Variants in RABGAP1L observed in about 807,000 individuals in gnomAD.
RABGAP1L encodes rab GTPase-activating protein 1-like.
In RABGAP1L, 63 loss-of-function variants were observed where a neutral mutation model predicts 137.7. That is an observed-to-expected ratio of 0.46 (90% CI 0.37 to 0.56). The LOEUF is 0.56. Ranked by LOEUF, RABGAP1L falls within the 20% of genes least tolerant of loss-of-function variation. RABGAP1L has a pLI of 0.00. For missense variants in RABGAP1L, 1,095 were observed against 1,244.0 expected (o/e 0.88, Z 1.80); for synonymous variants, 431 against 433.7 (o/e 0.99, Z 0.08).
intron 1 of RABGAP1L, among the ~76,000 whole-genome samples, chr1:174,217,545 T>G (rs1280056948): frequency 6.6e-6 from 1 of 152,134 alleles, no homozygotes; most frequent in Non-Finnish European, 1.5e-5. Flanking sequence ...ACATCTGGAA[T>G]ATGTGGTGTG....
At chr1:174,432,109 C>A (rs891703354) in intron 13 of RABGAP1L, among the ~76,000 whole-genome samples, 1 of 152,122 alleles carries the variant, frequency 6.6e-6, no homozygotes, top group Admixed American at 6.5e-5. Context: ...TTACTTTCCT[C>A]TCTCCTTCCT....
intron 13 of RABGAP1L, among the ~76,000 whole-genome samples, chr1:174,629,350 T>C (rs1286327879): frequency 6.6e-6 from 1 of 152,220 alleles, no homozygotes; most frequent in Admixed American, 6.5e-5. Context: ...ATCTGTTCTA[T>C]CTGTTGACCT....
intron 7 of RABGAP1L, among the ~76,000 whole-genome samples, chr1:174,259,928 G>A (rs942817779): frequency 1.3e-5 from 2 of 151,214 alleles, no homozygotes; most frequent in Admixed American, 1.3e-4. Flanking sequence ...TCTGCCTCCC[G>A]GGTTCAAGCA....
Position 174,988,572 on chromosome 1 carries a change from A to C in RABGAP1L, c.2806-69A>C, listed in dbSNP as rs896713483. 5.4e-6 allele frequency: 7 copies of C among 1,307,016 alleles called. No individual in the cohort carries two copies. In the African/African-American group the frequency reaches 7.6e-5, roughly 14 times the overall value. 81.0% of individuals were successfully genotyped at this position (1,307,016 alleles called of 1,614,324 possible). Reference sequence around the variant, plus strand: ...AATAAGCAGCATCTAAAAAAGTCATAAATTGTTTCAGAAGGTGATTTAGCC... The same window carrying C: ...AATAAGCAGCATCTAAAAAAGTCATCAATTGTTTCAGAAGGTGATTTAGCC... On this transcript the variant is annotated intron_variant, in intron 24 of 25. Transcript: ENST00000681986.
At chr1:174,560,029 G>C (rs527968757) in intron 13 of RABGAP1L, among the ~76,000 whole-genome samples, 37 of 152,072 alleles carry the variant, frequency 2.4e-4, no homozygotes, top group African/African-American at 8.7e-4. Flanking sequence ...CAGCTACTTG[G>C]GGGGCTGAGG....
chr1:174,576,257 A>G (rs1668365606), intron 13 of RABGAP1L, among the ~76,000 whole-genome samples: 1 of 152,182 alleles, frequency 6.6e-6, no homozygotes, highest in African/African-American at 2.4e-5. Context: ...CCATGGCAAG[A>G]TGAGGGCATT....
At chr1:174,714,464 A>G (rs1243023305) in intron 17 of RABGAP1L, among the ~76,000 whole-genome samples, 1 of 152,244 alleles carries the variant, frequency 6.6e-6, no homozygotes, top group African/African-American at 2.4e-5. Flanking sequence ...TGGTAGACAT[A>G]CTCAAAGTAT....
intron 13 of RABGAP1L, among the ~76,000 whole-genome samples, chr1:174,492,152 T>A (rs2149355428): frequency 6.6e-6 from 1 of 151,862 alleles, no homozygotes; most frequent in South Asian, 2.1e-4. Context: ...TCCGCCATCT[T>A]GCTCCACCCT....
At chr1:174,239,192 G>A (rs972982590) in intron 4 of RABGAP1L, among the ~76,000 whole-genome samples, 1 of 152,144 alleles carries the variant, frequency 6.6e-6, no homozygotes, top group Non-Finnish European at 1.5e-5. Context: ...AGATGAACCC[G>A]GTACCTCAGA....
At chr1:174,945,283 C>T (rs1366075687) in intron 19 of RABGAP1L, among the ~76,000 whole-genome samples, 1 of 152,170 alleles carries the variant, frequency 6.6e-6, no homozygotes, top group African/African-American at 2.4e-5. Context: ...GCTTGGTAGT[C>T]ATTCCATTAC....
chr1:174,697,821 T>C (rs1679377527), intron 15 of RABGAP1L, among the ~76,000 whole-genome samples: 1 of 152,118 alleles, frequency 6.6e-6, no homozygotes, highest in African/African-American at 2.4e-5. Flanking sequence ...AGCTGAAAAA[T>C]AGTTGCTAAC....
rs61518356 is a variant in RABGAP1L at position 174,800,669 on chromosome 1, G to A, written c.2212-11163G>A. On this transcript the variant is annotated intron_variant, in intron 18 of 25. Coordinates refer to ENST00000681986, the MANE Select transcript of RABGAP1L (RefSeq NM_001366446.1). ...CTGTTGTGCAGCTCATTTGGAGCCT[G>A]GTCCACACCACCCCTTAATTGGTTA... Among the ~76,000 whole-genome samples, 812 of 152,230 alleles carry A rather than the reference G, an allele frequency of 5.3e-3. 10 individuals are homozygous for A. The highest frequency in any genetic ancestry group is 0.018 in the African/African-American group (768 of 41,540).
intron 1 of RABGAP1L, among the ~76,000 whole-genome samples, chr1:174,211,598 A>G (rs1332408563): frequency 6.6e-6 from 1 of 152,132 alleles, no homozygotes; most frequent in African/African-American, 2.4e-5. Context: ...GAAAACAAGT[A>G]ACAGTTATAG....
Position 174,539,784 on chromosome 1 carries a change from T to C in RABGAP1L, c.1711-97591T>C, listed in dbSNP as rs964225681. On this transcript the variant is annotated intron_variant, in intron 13 of 25. Transcript: ENST00000681986. ...GCATGTGTCTTTATAACAGCATGAT[T>C]TATAATCCTTCGGGTTTATACCCAG... Among the ~76,000 whole-genome samples the C allele has an allele frequency of 2.0e-5, 3 of 152,270 alleles. No individual in the cohort carries two copies. In the East Asian group the frequency reaches 5.8e-4, roughly 29 times the overall value.
At chr1:174,870,769 G>A (rs1461948380) in intron 19 of RABGAP1L, among the ~76,000 whole-genome samples, 2 of 145,526 alleles carry the variant, frequency 1.4e-5, no homozygotes, top group South Asian at 2.2e-4. Context: ...ATGGAGTCTC[G>A]CTCTGTTGCC....
chr1:174,205,030 A>G (rs1033560040), intron 1 of RABGAP1L, among the ~76,000 whole-genome samples: 2 of 152,090 alleles, frequency 1.3e-5, no homozygotes, highest in Non-Finnish European at 2.9e-5. Context: ...TGGACTAATA[A>G]AGGCCTTTTC....
At chr1:174,680,850 G>A (rs1055180267) in intron 14 of RABGAP1L, among the ~76,000 whole-genome samples, 27 of 151,874 alleles carry the variant, frequency 1.8e-4, no homozygotes, top group African/African-American at 6.3e-4. Context: ...TCATGCCACC[G>A]CACACCAGCC....
At chr1:174,678,429 T>C (rs1273297760) in intron 14 of RABGAP1L, among the ~76,000 whole-genome samples, 1 of 151,898 alleles carries the variant, frequency 6.6e-6, no homozygotes, top group Non-Finnish European at 1.5e-5. Context: ...CAGACCAGTA[T>C]TCCTCATAAA....
chr1:174,551,021 T>TATATATACACACAC, intron 13 of RABGAP1L, among the ~76,000 whole-genome samples: 1 of 122,796 alleles, frequency 8.1e-6, no homozygotes, highest in African/African-American at 3.8e-5. Flanking sequence ...TATATATATA[T>TATATATACACACAC]ACATACACAC....
Sources: allele counts gnomAD v4.1 joint callset (sites outside exome capture counted in the v4.1 genomes callset), GRCh38; gene constraint gnomAD v4.1.1; transcripts MANE v1.5; gene names NCBI Gene and HGNC (gene_info 2026-07-23, HGNC 2026-07-21).